The following REEP1 variants were observed in gnomAD, a reference collection of about 807,000 sequenced individuals.
REEP1 encodes the protein receptor expression-enhancing protein 1.
A neutral mutation model predicts 40.3 loss-of-function variants in REEP1; 22 were observed. That is an observed-to-expected ratio of 0.55 (90% CI 0.39 to 0.78). The LOEUF is 0.78. Ranked by LOEUF, REEP1 falls within the 30% of genes least tolerant of loss-of-function variation. The pLI is 0.00. For synonymous variants in REEP1, 116 were observed against 139.2 expected (o/e 0.83, Z 1.17); for missense variants, 280 against 361.1 (o/e 0.78, Z 1.82).
intron 6 of REEP1, among the ~76,000 whole-genome samples, chr2:86,228,810 C>T (rs1674861727): frequency 6.6e-6 from 1 of 152,206 alleles, no homozygotes; most frequent in Non-Finnish European, 1.5e-5. Context: ...CACTCACATT[C>T]TCCTTCCTCC....
chr2:86,297,765 G>A, intron 1 of REEP1: 1 of 981,832 alleles, frequency 1.0e-6, no homozygotes, highest in Non-Finnish European at 1.2e-6. Flanking sequence ...CTGGTTCTGG[G>A]TGTGAGGGAA....
At chr2:86,271,203 T>C (rs1282507058) in intron 2 of REEP1, among the ~76,000 whole-genome samples, 2 of 145,884 alleles carry the variant, frequency 1.4e-5, no homozygotes, top group East Asian at 4.1e-4. Flanking sequence ...AACAAAAAAA[T>C]AAACAAATAA....
At chr2:86,279,667 G>A (rs1035025336) in intron 2 of REEP1, among the ~76,000 whole-genome samples, 1 of 152,170 alleles carries the variant, frequency 6.6e-6, no homozygotes, top group Non-Finnish European at 1.5e-5. Context: ...GGGAGATATG[G>A]TTATGGAAGA....
upstream of REEP1, chr2:86,337,944 C>A (rs1229823995): frequency 5.9e-6 from 8 of 1,348,934 alleles, no homozygotes; most frequent in Non-Finnish European, 8.2e-6. This position sits in a 1 kb window ranked among gnomAD's most constrained non-coding sequence, Gnocchi z 5.8. Flanking sequence ...ACCTGAACCT[C>A]GGGAATCTGT....
intron 1 of REEP1, among the ~76,000 whole-genome samples, chr2:86,332,257 C>T (rs1163683957): frequency 6.6e-6 from 1 of 152,066 alleles, no homozygotes; most frequent in Non-Finnish European, 1.5e-5. Flanking sequence ...TGCCCAAGTG[C>T]ACCCCCCTCT....
chr2:86,276,542 C>A lies in REEP1; in HGVS notation c.105+5628G>T, dbSNP rs114826918. Among the ~76,000 whole-genome samples the A allele has an allele frequency of 3.7e-3, 558 of 152,282 alleles. 4 individuals carry two copies. The highest frequency in any genetic ancestry group is 0.012 in the African/African-American group (506 of 41,552). The stretch of plus-strand genomic sequence containing the variant: ...TTGATCTTATGCACCCAATGCCCTG[C>A]GGTGGCTGGCCTTATACAGTGCTAC... On this transcript the variant is annotated intron_variant, in intron 2 of 8. Transcript: ENST00000538924.
chr2:86,279,488 C>G (rs770257899), intron 2 of REEP1, among the ~76,000 whole-genome samples: 4 of 152,186 alleles, frequency 2.6e-5, no homozygotes, highest in Non-Finnish European at 5.9e-5. Flanking sequence ...ATAGGCACAA[C>G]AATGGCTCCC....
chr2:86,269,120 A>G (rs1431586779), intron 2 of REEP1, among the ~76,000 whole-genome samples: 1 of 152,212 alleles, frequency 6.6e-6, no homozygotes, highest in Non-Finnish European at 1.5e-5. Context: ...GATCTATGAA[A>G]GAAAAAAATC....
chr2:86,307,096 T>G (rs1311110049), intron 1 of REEP1, among the ~76,000 whole-genome samples: 1 of 151,572 alleles, frequency 6.6e-6, no homozygotes, highest in Non-Finnish European at 1.5e-5. Context: ...TCCCAGCTAC[T>G]CGGGTGCTGA....
chr2:86,282,364 T>G, intron 1 of REEP1, 122 bp from the exon 2 acceptor site: 1 of 770,170 alleles, frequency 1.3e-6, no homozygotes, highest in Non-Finnish European at 2.3e-6. Flanking sequence ...TGGGGCTTGA[T>G]TTATTTTTAT....
chr2:86,250,172 A>G (rs1362348158), intron 5 of REEP1, among the ~76,000 whole-genome samples: 1 of 152,186 alleles, frequency 6.6e-6, no homozygotes, highest in Non-Finnish European at 1.5e-5. Flanking sequence ...AGACCCAGAA[A>G]AGGATGGCCT....
At chr2:86,224,885 C>T (rs1674605755) in intron 7 of REEP1, among the ~76,000 whole-genome samples, 1 of 152,220 alleles carries the variant, frequency 6.6e-6, no homozygotes, top group South Asian at 2.1e-4. Flanking sequence ...GAGAGCAGCA[C>T]AGAGCAGTGT....
At chr2:86,241,621 T>G (rs907492691) in intron 5 of REEP1, among the ~76,000 whole-genome samples, 1 of 151,578 alleles carries the variant, frequency 6.6e-6, no homozygotes, top group African/African-American at 2.4e-5. Flanking sequence ...GGGTGGGGAG[T>G]GCTTGGAGTG....
At chr2:86,268,611 T>C (rs1558902112) in intron 2 of REEP1, among the ~76,000 whole-genome samples, 1 of 152,152 alleles carries the variant, frequency 6.6e-6, no homozygotes, top group Non-Finnish European at 1.5e-5. Context: ...AAGTTTCTTA[T>C]GGATATCAAC....
intron 1 of REEP1, among the ~76,000 whole-genome samples, chr2:86,295,761 G>C (rs1462759215): frequency 6.6e-6 from 1 of 152,132 alleles, no homozygotes; most frequent in African/African-American, 2.4e-5. Flanking sequence ...GGATGGTCTC[G>C]ATCTCCTGAC....
Position 86,232,703 on chromosome 2 carries a change from G to T in REEP1, c.517C>A (p.Pro173Thr). Residue 173 changes from proline to threonine, a missense_variant, in exon 6 of 9, where the codon CCG (proline) becomes ACG (threonine). Physicochemically the swap from Pro to Thr is conservative, Grantham distance 38. This residue lies in a region of REEP1 where 201 missense variants were observed against 238.5 expected (regional missense o/e 0.84). Transcript: ENST00000538924. ...GAPAPSGPPP[P>T]GSGRASGKHG... ...TTGCCGCTGGCCCGCCCAGACCCCG[G>T]TGGTGGGGGGCCCGAGGGAGCAGGG... is the stretch of plus-strand genomic sequence containing the variant. 1 of 1,611,374 alleles carries T rather than the reference G, an allele frequency of 6.2e-7. No individual in the cohort carries two copies. Among genetic ancestry groups the T allele is most frequent in the Non-Finnish European group, 8.5e-7 (1 of 1,179,988 alleles).
intron 1 of REEP1, among the ~76,000 whole-genome samples, chr2:86,284,228 C>T (rs1224212341): frequency 1.3e-5 from 2 of 152,044 alleles, no homozygotes. Context: ...CCTTTCCTGA[C>T]CTGGTCACCC....
At chr2:86,337,649 G>T (rs1379005060), upstream of REEP1, 1 of 1,046,890 alleles carries the variant, frequency 9.6e-7, no homozygotes, top group Non-Finnish European at 1.1e-6. This position sits in a 1 kb window ranked among gnomAD's most constrained non-coding sequence, Gnocchi z 5.8. Context: ...CGCCCTGCCC[G>T]GCGTTCGCGC....
chr2:86,337,706 GC>G (rs1681122158), upstream of REEP1: 10 of 967,636 alleles, frequency 1.0e-5, no homozygotes, highest in Non-Finnish European at 1.2e-5. The surrounding 1 kb of genome is among the most constrained non-coding windows in gnomAD (Gnocchi z 5.8). Context: ...GGCGGCCCCA[GC>G]CCCCCGGGGC....
Sources: gnomAD v4.1 joint callset for allele counts (sites outside exome capture counted in the v4.1 genomes callset) on GRCh38, gnomAD v4.1.1 for gene constraint, gnomAD v4.1.1 regional missense constraint, Gnocchi (gnomAD v3.1) non-coding constraint, MANE v1.5 for transcripts, NCBI Gene and HGNC (gene_info 2026-07-23, HGNC 2026-07-21) for gene names.